ITPA: variants seen among roughly 807,000 people sequenced by gnomAD.
The protein encoded by ITPA is inosine triphosphatase.
ITPA carries 29 observed loss-of-function variants against 29.6 expected under a neutral mutation model. That is an observed-to-expected ratio of 0.98 (90% CI 0.73 to 1.34). ITPA has a LOEUF of 1.34. Ranked by LOEUF, ITPA falls within the 40% of genes most tolerant of loss-of-function variation. ITPA has a pLI of 0.00. For missense variants in ITPA, 241 were observed against 251.5 expected, an observed-to-expected ratio of 0.96 and a Z score of 0.28; for synonymous variants, 103 against 99.3, an observed-to-expected ratio of 1.04 and a Z score of -0.22.
rs1048579600 is a variant in ITPA at position 3,223,693 on chromosome 20, C to T, written c.*231C>T. On this transcript the variant is annotated 3_prime_UTR_variant, in exon 8 of 8. Coordinates refer to ENST00000380113, the MANE Select transcript of ITPA (RefSeq NM_033453.4). ...AGGATTCACTGCTCTCTCCTACAGC[C>T]GCCAGGCCTGGGGTCCTGAAAGGAC... 11 of 581,016 alleles carry T rather than the reference C, an allele frequency of 1.9e-5. No homozygotes were observed. The highest frequency in any genetic ancestry group is 6.0e-5 in the South Asian group (3 of 50,204). 36.0% of individuals were successfully genotyped at this position (581,016 alleles called of 1,614,324 possible). A position where few individuals can be genotyped will look rare whatever the true frequency, so the allele number is the denominator to read the frequency against.
chr20:3,223,519 A>C lies in ITPA; in HGVS notation c.*57A>C. On this transcript the variant is annotated 3_prime_UTR_variant, in exon 8 of 8. Transcript: ENST00000380113. ...GGGATCTGGGGAGGGCTAGCCCAAA[A>C]CCTCCCGCATCGGGCAGGCACCCCC... The C allele has an allele frequency of 7.3e-7, 1 of 1,364,410 alleles. No homozygotes were observed. 84.5% of individuals were successfully genotyped at this position (1,364,410 alleles called of 1,614,324 possible).
At chr20:3,217,948 C>A (rs1004392371) in intron 5 of ITPA, among the ~76,000 whole-genome samples, 2 of 145,984 alleles carry the variant, frequency 1.4e-5, no homozygotes, top group African/African-American at 5.1e-5. Flanking sequence ...GATGGAGTCT[C>A]GCTCTGTCGC....
intron 5 of ITPA, among the ~76,000 whole-genome samples, chr20:3,218,066 A>C (rs577938033): frequency 6.6e-5 from 10 of 152,126 alleles, no homozygotes; most frequent in East Asian, 1.9e-4. Context: ...TACAGGCATC[A>C]GCCACCACGC....
Position 3,209,741 on chromosome 20 carries a change from A to ATTC in ITPA, c.66+125_66+126insTCT. ...AGAGAACAGAATTCAGCCCGGAAGA[A>ATTC]TGGGTCCTGACCCGGCTGTGTGGAA... On this transcript the variant is annotated intron_variant, in intron 1 of 7. Coordinates refer to ENST00000380113, the MANE Select transcript of ITPA (RefSeq NM_033453.4). The surrounding 1 kb of genome is among the most constrained non-coding windows in gnomAD (Gnocchi z 4.6). 1 of 786,930 alleles carries ATTC rather than the reference A, an allele frequency of 1.3e-6. No individual in the cohort carries two copies. The allele number at this position is 786,930 out of a possible 1,614,324, so 48.7% of individuals were successfully genotyped here. A position where few individuals can be genotyped will look rare whatever the true frequency, so the allele number is the denominator to read the frequency against.
chr20:3,216,638 A>G (rs1013425723), intron 5 of ITPA, among the ~76,000 whole-genome samples: 1 of 150,712 alleles, frequency 6.6e-6, no homozygotes, highest in Non-Finnish European at 1.5e-5. Flanking sequence ...TATTTTTTGT[A>G]GAGGGGTTTC....
chr20:3,213,843 C>A, intron 3 of ITPA, 142 bp from the exon 4 acceptor site: 4 of 851,126 alleles, frequency 4.7e-6, no homozygotes, highest in Non-Finnish European at 8.2e-6. Flanking sequence ...AGAGATTGGC[C>A]GAGGGCAGCT....
downstream of ITPA, among the ~76,000 whole-genome samples, chr20:3,225,560 G>A (rs903976560): frequency 2.6e-4 from 39 of 152,224 alleles, no homozygotes; most frequent in African/African-American, 8.9e-4. Flanking sequence ...CCCCGGGGAG[G>A]GCACACAAGC....
chr20:3,213,882 G>T, intron 3 of ITPA, 103 bp from the exon 4 acceptor site: 1 of 1,181,350 alleles, frequency 8.5e-7, no homozygotes, highest in Non-Finnish European at 1.3e-6. Context: ...ACAGATCTCA[G>T]CTAGCTGAGG....
chr20:3,227,394 G>A, downstream of ITPA: 1 of 269,790 alleles, frequency 3.7e-6, no homozygotes, highest in East Asian at 9.0e-5. Context: ...TGGAGTGGCA[G>A]TAGCAGGGAC....
upstream of ITPA, among the ~76,000 whole-genome samples, chr20:3,207,426 G>A (rs996579447): frequency 6.6e-6 from 1 of 152,190 alleles, no homozygotes; most frequent in Non-Finnish European, 1.5e-5. Context: ...GGGCACCGTG[G>A]CTCAAGCCTG....
chr20:3,223,782 TC>T lies in ITPA; in HGVS notation c.*322del. The T allele has an allele frequency of 2.4e-6, 1 of 420,074 alleles. No individual in the cohort carries two copies. The highest frequency in any genetic ancestry group is 2.7e-5 in the South Asian group (1 of 37,050). 26.0% of individuals were successfully genotyped at this position (420,074 alleles called of 1,614,324 possible). Reference sequence around the variant, plus strand: ...TGGGGAGGAACCATGCAAATCGCCTTCCATGGTTTTTAAATGCAGTAAATAA... The same window carrying T: ...TGGGGAGGAACCATGCAAATCGCCTTCATGGTTTTTAAATGCAGTAAATAA... On this transcript the variant is annotated 3_prime_UTR_variant, in exon 8 of 8. Coordinates refer to ENST00000380113, the MANE Select transcript of ITPA (RefSeq NM_033453.4).
intron 1 of ITPA, among the ~76,000 whole-genome samples, chr20:3,210,035 A>C (rs1214730804): frequency 6.6e-6 from 1 of 152,222 alleles, no homozygotes; most frequent in Non-Finnish European, 1.5e-5. Flanking sequence ...ACGGAGTTCC[A>C]CACTGAGCAG....
intron 4 of ITPA, among the ~76,000 whole-genome samples, chr20:3,214,902 T>C (rs558957901): frequency 6.6e-6 from 1 of 151,544 alleles, no homozygotes; most frequent in South Asian, 2.1e-4. Context: ...TTTTGGTGTG[T>C]GAGACAGGGT....
intron 4 of ITPA, 90 bp from the exon 5 acceptor site, chr20:3,215,191 C>T (rs1457210809): frequency 2.2e-6 from 3 of 1,336,872 alleles, no homozygotes; most frequent in Non-Finnish European, 3.2e-6. Flanking sequence ...TTTTCATTTC[C>T]CCTTGGCTGT....
intron 1 of ITPA, among the ~76,000 whole-genome samples, chr20:3,211,723 C>T (rs964153445): frequency 6.6e-6 from 1 of 152,268 alleles, no homozygotes; most frequent in African/African-American, 2.4e-5. Context: ...GAACTCCCGA[C>T]CTCAGGTGAT....
At position 3,213,292 on chromosome 20, in the gene ITPA, T is replaced by C. The variant is rs201934888; in HGVS notation, c.125-27T>C. On this transcript the variant is annotated intron_variant, in intron 2 of 7. Coordinates refer to ENST00000380113, the MANE Select transcript of ITPA (RefSeq NM_033453.4). ...TTTCTCTGTCTTCCTGTGACCTGAC[T>C]TTCTGTGTGTCTGTTTCCCTGATAA... The C allele has an allele frequency of 3.3e-5, 53 of 1,614,200 alleles. No homozygotes were observed. In the East Asian group the frequency reaches 1.2e-3, roughly 36 times the overall value.
chr20:3,220,673 C>T (rs774263830), intron 6 of ITPA, among the ~76,000 whole-genome samples: 5 of 151,454 alleles, frequency 3.3e-5, no homozygotes, highest in Non-Finnish European at 7.4e-5. Context: ...CTCAGCCTTC[C>T]GAGTAGCTAG....
upstream of ITPA, chr20:3,204,548 C>G (rs541303668): frequency 6.4e-7 from 1 of 1,567,374 alleles, no homozygotes; most frequent in Non-Finnish European, 8.6e-7. Context: ...TGATGCCGCC[C>G]GGCCCCGGCT....
chr20:3,206,965 G>T (rs1223549224), upstream of ITPA, among the ~76,000 whole-genome samples: 1 of 152,008 alleles, frequency 6.6e-6, no homozygotes, highest in Non-Finnish European at 1.5e-5. Context: ...AGTGAGCCGG[G>T]ACCACACCAC....
Sources: gnomAD v4.1 joint callset for allele counts (sites outside exome capture counted in the v4.1 genomes callset) on GRCh38, gnomAD v4.1.1 for gene constraint, Gnocchi (gnomAD v3.1) non-coding constraint, MANE v1.5 for transcripts, NCBI Gene and HGNC (gene_info 2026-07-23, HGNC 2026-07-21) for gene names.